Variants in MBP observed in about 807,000 individuals in gnomAD.
MBP encodes the protein Golli-MBP.
Under a neutral mutation model 35.8 loss-of-function variants are expected in MBP, and 16 were observed. That is an observed-to-expected ratio of 0.45 (90% CI 0.30 to 0.68). The LOEUF is 0.68. Among genes scored for constraint, MBP ranks in the 30% least tolerant of loss-of-function variants. The pLI is 0.08. For synonymous variants in MBP, 143 were observed against 159.6 expected, an observed-to-expected ratio of 0.90 and a Z score of 0.78; for missense variants, 380 against 404.7, an observed-to-expected ratio of 0.94 and a Z score of 0.52.
intron 8 of MBP, chr18:76,982,663 T>A (rs1394811366): frequency 6.6e-6 from 1 of 152,184 alleles, no homozygotes; most frequent in African/African-American, 2.4e-5. Flanking sequence ...GAAGGAAAGA[T>A]GGTAAAATGA....
At chr18:77,118,670 C>T (rs36171082) in intron 1 of MBP, among the ~76,000 whole-genome samples, 14 of 138,946 alleles carry the variant, frequency 1.0e-4, no homozygotes. Flanking sequence ...ACACTACATA[C>T]CACACACACA....
intron 3 of MBP, among the ~76,000 whole-genome samples, chr18:77,064,258 A>G (rs1974100264): frequency 6.6e-6 from 1 of 152,218 alleles, no homozygotes; most frequent in South Asian, 2.1e-4. Context: ...CTATTCTACG[A>G]AACCCTAAGT....
chr18:77,031,722 C>T (rs76747558), intron 3 of MBP, among the ~76,000 whole-genome samples: 2,479 of 152,350 alleles, frequency 0.016, 65 homozygotes, highest in African/African-American at 0.056. Flanking sequence ...AGCCTCTTGG[C>T]ACGAGGAGGG....
At chr18:77,057,006 G>T (rs1172118937) in intron 3 of MBP, among the ~76,000 whole-genome samples, 1 of 152,096 alleles carries the variant, frequency 6.6e-6, no homozygotes, top group African/African-American at 2.4e-5. Context: ...GGGGTCTTTG[G>T]CCCAAAACAA....
rs1568344943 is a variant in MBP at position 77,111,224 on chromosome 18, T to C, written c.-25-5938A>G. On this transcript the variant is annotated intron_variant, in intron 1 of 8. Transcript: ENST00000355994. ...CATCCACCGAGGAGCCCAGTGCTCA[T>C]GGGCACGGTTCTGTATTTTGGAGGT... is the stretch of plus-strand genomic sequence containing the variant. 3.3e-5 allele frequency among the ~76,000 whole-genome samples: 5 copies of C among 152,178 alleles called. No homozygotes were observed. The East Asian group carries it at 7.7e-4, about 23-fold the overall frequency.
At chr18:77,019,649 A>G (rs1971908348) in intron 3 of MBP, among the ~76,000 whole-genome samples, 1 of 152,208 alleles carries the variant, frequency 6.6e-6, no homozygotes, top group Non-Finnish European at 1.5e-5. Context: ...GGCAGCCCCA[A>G]CTCATGCAAT....
At chr18:77,126,045 C>T (rs1289801524) in intron 1 of MBP, among the ~76,000 whole-genome samples, 1 of 152,118 alleles carries the variant, frequency 6.6e-6, no homozygotes, top group African/African-American at 2.4e-5. Flanking sequence ...AAAGTTAGAA[C>T]AAGTGGGAAC....
chr18:76,992,298 G>C (rs985920408), intron 4 of MBP, among the ~76,000 whole-genome samples: 1 of 152,088 alleles, frequency 6.6e-6, no homozygotes, highest in African/African-American at 2.4e-5. Context: ...GCACAACCTC[G>C]ATCCCTCGAA....
rs1350454187 is a variant in MBP, at chr18:76,988,088, G to A, written c.750+407C>T. On this transcript the variant is annotated intron_variant, in intron 7 of 8. Transcript: ENST00000355994. This position sits in a 1 kb window ranked among gnomAD's most constrained non-coding sequence, Gnocchi z 5.2. ...TCATTTTCCCAGTGTCAGCATCTGG[G>A]GTCACTGAGACGGGCCAGCCAGTCC... 1 of 1,486,646 alleles carries A rather than the reference G, an allele frequency of 6.7e-7. No individual in the cohort carries two copies. The highest frequency in any genetic ancestry group is 8.9e-7 in the Non-Finnish European group (1 of 1,119,790). The allele number at this position is 1,486,646 out of a possible 1,614,324, so 92.1% of individuals were successfully genotyped here.
chr18:77,027,707 A>C (rs991906058), intron 3 of MBP, among the ~76,000 whole-genome samples: 9 of 152,222 alleles, frequency 5.9e-5, no homozygotes, highest in African/African-American at 2.2e-4. Flanking sequence ...ATTTATTTAG[A>C]GATGGGGTCT....
rs180810740 is a variant in MBP at position 77,002,146 on chromosome 18, G to A, written c.577-12086C>T. Among the ~76,000 whole-genome samples the A allele has an allele frequency of 3.7e-4, 57 of 152,294 alleles. 2 individuals carry two copies. In the East Asian group the frequency reaches 8.7e-3, roughly 23 times the overall value. ...GAAGTTGGCTCCATGTGGAGTTGCC[G>A]CCTGGAGACCTCTGGCCTCTCGTAA... On this transcript the variant is annotated intron_variant, in intron 4 of 8. Transcript: ENST00000355994.
chr18:77,118,822 A>G (rs1976796193), intron 1 of MBP, among the ~76,000 whole-genome samples: 1 of 148,410 alleles, frequency 6.7e-6, no homozygotes, highest in Non-Finnish European at 1.5e-5. Flanking sequence ...CACACCACAC[A>G]CACACTCCAC....
chr18:77,037,066 A>G (rs932508571), intron 3 of MBP, among the ~76,000 whole-genome samples: 1 of 146,646 alleles, frequency 6.8e-6, no homozygotes, highest in African/African-American at 2.6e-5. Context: ...TTGGAGACAG[A>G]GCTGAGTAAG....
intron 2 of MBP, among the ~76,000 whole-genome samples, chr18:77,092,437 C>A (rs953138186): frequency 6.6e-6 from 1 of 152,200 alleles, no homozygotes; most frequent in African/African-American, 2.4e-5. Context: ...CCGGGCCGCA[C>A]TCAGCACCGC....
rs117702971 is a variant in MBP, at chr18:77,098,820, A to G, written c.51+6391T>C. 1.8e-3 allele frequency among the ~76,000 whole-genome samples: 267 copies of G among 152,348 alleles called. 1 individual carries two copies. Among genetic ancestry groups the G allele is most frequent in the Middle Eastern group, 0.01 (3 of 294 alleles). The stretch of plus-strand genomic sequence containing the variant: ...CCCTAAACGGCCTCTGAGTCTGGGC[A>G]GATTTAAACGGGCCGTTCCTTGTTC... On this transcript the variant is annotated intron_variant, in intron 2 of 8. Transcript: ENST00000355994.
At chr18:77,097,914 T>TAA (rs201927684) in intron 2 of MBP, among the ~76,000 whole-genome samples, 12 of 151,458 alleles carry the variant, frequency 7.9e-5, no homozygotes, top group Admixed American at 6.6e-4. Context: ...ATCTTTTTTT[T>TAA]AAAAAAATAC....
Position 77,131,332 on chromosome 18 carries a change from G to A in MBP, c.-26+1248C>T, listed in dbSNP as rs907511541. Among the ~76,000 whole-genome samples, 1 of 152,066 alleles carries A rather than the reference G, an allele frequency of 6.6e-6. No individual in the cohort carries two copies. The highest frequency in any genetic ancestry group is 1.5e-5 in the Non-Finnish European group (1 of 68,010). On this transcript the variant is annotated intron_variant, in intron 1 of 8. Coordinates refer to ENST00000355994, the MANE Select transcript of MBP (RefSeq NM_001025101.2). The surrounding 1 kb of genome is among the most constrained non-coding windows in gnomAD (Gnocchi z 5.5). ...TCCTTAAACTGTCCCCCGGAGCTTCGCCAGATAAAATGTCCAAAACACACA... is the reference window on the plus strand; with the variant it reads ...TCCTTAAACTGTCCCCCGGAGCTTCACCAGATAAAATGTCCAAAACACACA...
intron 2 of MBP, among the ~76,000 whole-genome samples, chr18:77,077,028 G>C (rs528995210): frequency 6.6e-6 from 1 of 152,240 alleles, no homozygotes; most frequent in South Asian, 2.1e-4. Flanking sequence ...TTTATAAAGT[G>C]CCTGGCACAG....
intron 2 of MBP, among the ~76,000 whole-genome samples, chr18:77,100,339 C>G (rs1341626919): frequency 1.3e-5 from 2 of 152,230 alleles, no homozygotes; most frequent in African/African-American, 4.8e-5. Context: ...GATTTCCAGT[C>G]TTCTGGACTG....
Sources: gnomAD v4.1 joint callset for allele counts (sites outside exome capture counted in the v4.1 genomes callset) on GRCh38, gnomAD v4.1.1 for gene constraint, Gnocchi (gnomAD v3.1) non-coding constraint, MANE v1.5 for transcripts, NCBI Gene and HGNC (gene_info 2026-07-23, HGNC 2026-07-21) for gene names.